Variants in FAM13C observed in about 807,000 individuals in gnomAD.
The protein encoded by FAM13C is family with sequence similarity 13 member C, also known as protein FAM13C.
In FAM13C, 37 loss-of-function variants were observed where a neutral mutation model predicts 73.2. That is an observed-to-expected ratio of 0.51 (90% CI 0.39 to 0.67). The LOEUF (loss-of-function observed/expected upper bound fraction) is 0.67, where lower values mean the gene tolerates loss of function less well. Among genes scored for constraint, FAM13C ranks in the 30% least tolerant of loss-of-function variants. The probability of loss-of-function intolerance (pLI) is 0.00; values close to 1 mark genes in which losing one functional copy is unlikely to be tolerated. For synonymous variants in FAM13C, 246 were observed against 260.9 expected (o/e 0.94, Z 0.55); for missense variants, 589 against 715.6 (o/e 0.82, Z 2.02).
intron 4 of FAM13C, among the ~76,000 whole-genome samples, chr10:59,315,818 T>C (rs1215167192): frequency 6.6e-6 from 1 of 152,222 alleles, no homozygotes; most frequent in Non-Finnish European, 1.5e-5. Context: ...CACCATCCTA[T>C]GATTCCAACA....
At chr10:59,332,208 G>A (rs1852085287) in intron 3 of FAM13C, among the ~76,000 whole-genome samples, 1 of 152,010 alleles carries the variant, frequency 6.6e-6, no homozygotes, top group Non-Finnish European at 1.5e-5. Flanking sequence ...ACAGAGAGAG[G>A]TGGAGGGGTA....
intron 3 of FAM13C, among the ~76,000 whole-genome samples, chr10:59,336,902 C>G (rs1852795358): frequency 6.6e-6 from 1 of 152,160 alleles, no homozygotes; most frequent in Non-Finnish European, 1.5e-5. Context: ...GTCTATCTTC[C>G]ATCACCCCAT....
At chr10:59,314,789 G>A (rs1184205209) in intron 4 of FAM13C, among the ~76,000 whole-genome samples, 1 of 152,140 alleles carries the variant, frequency 6.6e-6, no homozygotes, top group African/African-American at 2.4e-5. Flanking sequence ...GGACCCCTGA[G>A]AGGCTTGGCA....
At chr10:59,289,038 C>A (rs547992013) in intron 5 of FAM13C, among the ~76,000 whole-genome samples, 7 of 152,122 alleles carry the variant, frequency 4.6e-5, no homozygotes, top group Non-Finnish European at 8.8e-5. Flanking sequence ...CACCAGGGAC[C>A]GGCTTTGCAG....
At chr10:59,347,188 T>G (rs116990136) in intron 3 of FAM13C, among the ~76,000 whole-genome samples, 60 of 152,326 alleles carry the variant, frequency 3.9e-4, no homozygotes, top group Non-Finnish European at 6.5e-4. Flanking sequence ...TGCATTGCCT[T>G]CCAGTTCCTG....
At chr10:59,290,686 C>T (rs1846119777) in intron 5 of FAM13C, among the ~76,000 whole-genome samples, 1 of 152,146 alleles carries the variant, frequency 6.6e-6, no homozygotes, top group South Asian at 2.1e-4. Context: ...TTATTTCCTT[C>T]ACAAGGCTCG....
At chr10:59,341,100 A>C (rs1853445534) in intron 3 of FAM13C, among the ~76,000 whole-genome samples, 1 of 152,060 alleles carries the variant, frequency 6.6e-6, no homozygotes, top group Non-Finnish European at 1.5e-5. Flanking sequence ...GTGATTTTTA[A>C]ATCTGGTAGG....
chr10:59,346,857 G>T (rs929399543), intron 3 of FAM13C, among the ~76,000 whole-genome samples: 1 of 151,968 alleles, frequency 6.6e-6, no homozygotes, highest in Admixed American at 6.6e-5. Flanking sequence ...CTCCTTTTTG[G>T]AAAGGGTGTT....
intron 13 of FAM13C, among the ~76,000 whole-genome samples, chr10:59,248,940 CT>C (rs1389952853): frequency 6.6e-6 from 1 of 152,160 alleles, no homozygotes; most frequent in Non-Finnish European, 1.5e-5. Context: ...TAACATATAT[CT>C]TTGCCTCCAT....
chr10:59,253,348 T>A (rs1373398934), intron 11 of FAM13C, among the ~76,000 whole-genome samples: 4 of 152,206 alleles, frequency 2.6e-5, no homozygotes, highest in African/African-American at 9.6e-5. Flanking sequence ...GGCTCCAGCT[T>A]AATACTTGTG....
intron 4 of FAM13C, among the ~76,000 whole-genome samples, chr10:59,316,703 C>T (rs1234306332): frequency 6.6e-6 from 1 of 152,156 alleles, no homozygotes; most frequent in African/African-American, 2.4e-5. Flanking sequence ...CATATCTAAA[C>T]ATACAAAGGT....
intron 13 of FAM13C, among the ~76,000 whole-genome samples, chr10:59,250,290 A>C (rs1841242004): frequency 6.6e-6 from 1 of 152,206 alleles, no homozygotes; most frequent in Admixed American, 6.5e-5. Context: ...AAGTTACATG[A>C]ACATTTTATA....
At chr10:59,299,377 T>C (rs1847289643) in intron 5 of FAM13C, among the ~76,000 whole-genome samples, 1 of 152,188 alleles carries the variant, frequency 6.6e-6, no homozygotes, top group Admixed American at 6.5e-5. Context: ...CATCCCCTTT[T>C]GACCCTCACT....
At position 59,291,523 on chromosome 10, in the gene FAM13C, A is replaced by G. The variant is rs76723255; in HGVS notation, c.508-8076T>C. ...GAAATTCAATGTAGGAGAGCAAGCT[A>G]TTCACTTTAAGGAGCCTTCTGTTGA... On this transcript the variant is annotated intron_variant, in intron 5 of 13. Transcript: ENST00000618804. Among the ~76,000 whole-genome samples the G allele has an allele frequency of 3.9e-3, 595 of 152,264 alleles. 5 individuals are homozygous for G. Among genetic ancestry groups the G allele is most frequent in the African/African-American group, 0.013 (555 of 41,562 alleles).
In FAM13C at chr10:59,270,009, A is replaced by G. The variant is rs367555975; in HGVS notation, c.693T>C (p.Asp231=). The G allele has an allele frequency of 2.5e-6, 4 of 1,613,884 alleles. No individual in the cohort carries two copies. Among genetic ancestry groups the G allele is most frequent in the Non-Finnish European group, 3.4e-6 (4 of 1,179,910 alleles). ...GTSRLLYHIT[D]GDNPLLSPRC... Reference sequence around the variant, plus strand: ...GTGGCGACAGCAGTGGGTTATCACCATCAGTGATGTGATAGAGCAGCCTGC... The same window carrying G: ...GTGGCGACAGCAGTGGGTTATCACCGTCAGTGATGTGATAGAGCAGCCTGC... The change falls in exon 7 of 14, where the codon GAT becomes GAC. Residue 231 remains aspartate, a synonymous_variant. Coordinates refer to ENST00000618804, the MANE Select transcript of FAM13C (RefSeq NM_198215.4).
chr10:59,254,789 G>A (rs1841790027), intron 10 of FAM13C, among the ~76,000 whole-genome samples: 1 of 151,908 alleles, frequency 6.6e-6, no homozygotes, highest in African/African-American at 2.4e-5. Flanking sequence ...ATTTTTAGTA[G>A]ATACAGGGTT....
intron 6 of FAM13C, among the ~76,000 whole-genome samples, chr10:59,273,266 T>C (rs942697845): frequency 6.6e-6 from 1 of 152,188 alleles, no homozygotes; most frequent in Non-Finnish European, 1.5e-5. Flanking sequence ...GTATAGGGTA[T>C]TTGGTGAAAT....
intron 10 of FAM13C, among the ~76,000 whole-genome samples, chr10:59,261,212 T>C (rs1258082315): frequency 6.6e-6 from 1 of 152,094 alleles, no homozygotes; most frequent in African/African-American, 2.4e-5. Context: ...CTTGGTAGGC[T>C]TAGGGATAGG....
chr10:59,254,509 C>T, intron 10 of FAM13C, 66 bp from the exon 11 acceptor site: 9 of 905,878 alleles, frequency 9.9e-6, no homozygotes, highest in Non-Finnish European at 1.4e-5. Context: ...ACATTTTTAG[C>T]AGACAAAAAG....
Sources: allele counts gnomAD v4.1 joint callset (sites outside exome capture counted in the v4.1 genomes callset), GRCh38; gene constraint gnomAD v4.1.1; transcripts MANE v1.5; gene names NCBI Gene and HGNC (gene_info 2026-07-23, HGNC 2026-07-21).